ACOXL: variants seen among roughly 807,000 people sequenced by gnomAD.
ACOXL encodes acyl-CoA oxidase like.
A neutral mutation model predicts 71.9 loss-of-function variants in ACOXL; 70 were observed. The ratio of observed to expected loss-of-function variants is 0.97; its 90% CI spans 0.80 to 1.19. The LOEUF is 1.19. Among genes scored for constraint, ACOXL ranks in the 50% most tolerant of loss-of-function variants. ACOXL has a pLI of 0.00. For synonymous variants in ACOXL, 253 were observed against 281.6 expected, an observed-to-expected ratio of 0.90 and a Z score of 1.02; for missense variants, 703 against 736.3, an observed-to-expected ratio of 0.95 and a Z score of 0.52.
At chr2:110,753,862 C>T (rs548069230) in intron 1 of ACOXL, among the ~76,000 whole-genome samples, 3 of 152,214 alleles carry the variant, frequency 2.0e-5, no homozygotes, top group Non-Finnish European at 2.9e-5. Context: ...AATTGCTCCA[C>T]GTCTTTGTCA....
At chr2:110,752,967 G>C (rs1490373707) in intron 1 of ACOXL, among the ~76,000 whole-genome samples, 1 of 152,096 alleles carries the variant, frequency 6.6e-6, no homozygotes, top group Admixed American at 6.6e-5. Context: ...CATTGATATA[G>C]TTTGGATGTT....
At chr2:110,975,965 C>T (rs2062425106) in intron 12 of ACOXL, among the ~76,000 whole-genome samples, 1 of 151,800 alleles carries the variant, frequency 6.6e-6, no homozygotes. Flanking sequence ...ACAACATTTC[C>T]AAGAAAGGGA....
intron 10 of ACOXL, among the ~76,000 whole-genome samples, chr2:110,844,914 G>A (rs1481814099): frequency 6.6e-6 from 1 of 152,092 alleles, no homozygotes; most frequent in Non-Finnish European, 1.5e-5. Flanking sequence ...CCAGCAGGAG[G>A]AAGATGAGGG....
rs544432503 is a variant in ACOXL, at chr2:110,980,628, G to C, written c.1060-6480G>C. Among the ~76,000 whole-genome samples the C allele has an allele frequency of 2.6e-5, 4 of 152,286 alleles. No homozygotes were observed. In the East Asian group the frequency reaches 7.7e-4, roughly 29 times the overall value. Reference sequence around the variant, plus strand: ...GCAGAGGTGGCTCATCTGGCAGCCTGCTGAGTCTCCACGCTGGGCTCCAGG... The same window carrying C: ...GCAGAGGTGGCTCATCTGGCAGCCTCCTGAGTCTCCACGCTGGGCTCCAGG... On this transcript the variant is annotated intron_variant, in intron 12 of 17. Coordinates refer to ENST00000439055, the MANE Select transcript of ACOXL (RefSeq NM_001142807.4).
intron 12 of ACOXL, among the ~76,000 whole-genome samples, chr2:110,943,764 C>T (rs72834519): frequency 0.13 from 19,770 of 152,064 alleles, 1,522 homozygotes; most frequent in East Asian, 0.26. Flanking sequence ...AGCTTATTGC[C>T]GTAGCAGACA....
intron 14 of ACOXL, among the ~76,000 whole-genome samples, chr2:111,029,721 C>CCAGCCTCA (rs1184849291): frequency 6.6e-6 from 1 of 152,176 alleles, no homozygotes; most frequent in East Asian, 1.9e-4. Context: ...GAGCCTCTTG[C>CCAGCCTCA]CAGCAGGGGT....
chr2:110,923,679 A>G (rs1183723420), intron 11 of ACOXL, among the ~76,000 whole-genome samples: 1 of 152,176 alleles, frequency 6.6e-6, no homozygotes, highest in African/African-American at 2.4e-5. Flanking sequence ...CATGCCTGTA[A>G]TCTCAGCACT....
chr2:111,037,834 G>A (rs777450975), intron 15 of ACOXL, among the ~76,000 whole-genome samples: 2 of 152,168 alleles, frequency 1.3e-5, no homozygotes, highest in Non-Finnish European at 2.9e-5. Flanking sequence ...TCTTTAAGAG[G>A]TTTCTTTCCC....
At chr2:110,933,348 A>T in intron 11 of ACOXL, 141 bp from the exon 12 acceptor site, 1 of 1,032,520 alleles carries the variant, frequency 9.7e-7, no homozygotes, top group Non-Finnish European at 1.4e-6. Flanking sequence ...TTTTTTAGTG[A>T]CTATCTACAG....
chr2:111,011,027 C>T (rs2064125782), intron 14 of ACOXL, among the ~76,000 whole-genome samples: 1 of 152,118 alleles, frequency 6.6e-6, no homozygotes, highest in Non-Finnish European at 1.5e-5. Context: ...ATATAAGGAA[C>T]TATTAAGGAC....
At chr2:111,052,088 A>G (rs1194342040) in intron 16 of ACOXL, among the ~76,000 whole-genome samples, 3 of 152,226 alleles carry the variant, frequency 2.0e-5, no homozygotes, top group Non-Finnish European at 4.4e-5. Context: ...TTCCCCTGCA[A>G]AGACAAAAAC....
chr2:110,752,549 G>C (rs541446555), intron 1 of ACOXL, among the ~76,000 whole-genome samples: 1 of 151,260 alleles, frequency 6.6e-6, no homozygotes, highest in Admixed American at 6.6e-5. Flanking sequence ...GATTGAGGGG[G>C]ATCTTGTATG....
At chr2:110,914,089 A>G (rs917368064) in intron 11 of ACOXL, among the ~76,000 whole-genome samples, 1 of 152,152 alleles carries the variant, frequency 6.6e-6, no homozygotes, top group African/African-American at 2.4e-5. Flanking sequence ...TGGTTGCACA[A>G]CTCCTTAAAT....
intron 16 of ACOXL, among the ~76,000 whole-genome samples, chr2:111,068,327 T>C (rs909484572): frequency 3.9e-5 from 6 of 152,054 alleles, no homozygotes; most frequent in Non-Finnish European, 8.8e-5. Flanking sequence ...GGGGGTATGG[T>C]GGGGCTGAGG....
intron 17 of ACOXL, chr2:111,093,351 T>TC: frequency 9.3e-7 from 1 of 1,070,010 alleles, no homozygotes; most frequent in South Asian, 1.7e-5. Flanking sequence ...CATGGGGAAT[T>TC]CAATACAATA....
chr2:110,939,438 T>G (rs1278743986), intron 12 of ACOXL, among the ~76,000 whole-genome samples: 1 of 152,200 alleles, frequency 6.6e-6, no homozygotes, highest in African/African-American at 2.4e-5. Context: ...CTAATTTACC[T>G]AAGACTTGAT....
intron 9 of ACOXL, among the ~76,000 whole-genome samples, chr2:110,830,291 A>G (rs1402606200): frequency 1.3e-5 from 2 of 152,316 alleles, no homozygotes; most frequent in South Asian, 4.1e-4. Flanking sequence ...ATGTAATTAT[A>G]TAAATAATTA....
intron 2 of ACOXL, among the ~76,000 whole-genome samples, chr2:110,768,870 G>A (rs551742400): frequency 2.1e-4 from 32 of 151,830 alleles, no homozygotes; most frequent in African/African-American, 7.7e-4. Flanking sequence ...GACTTGCTAA[G>A]CCTGTTGATC....
In ACOXL at chr2:110,789,827, A is replaced by T. The variant is rs539277355; in HGVS notation, c.160-3823A>T. Among the ~76,000 whole-genome samples, 4 of 152,230 alleles carry T rather than the reference A, an allele frequency of 2.6e-5. No individual in the cohort carries two copies. In the South Asian group the frequency reaches 8.3e-4, roughly 31 times the overall value. On this transcript the variant is annotated intron_variant, in intron 3 of 17. Coordinates refer to ENST00000439055, the MANE Select transcript of ACOXL (RefSeq NM_001142807.4). ...CTCTTGGAATTAGGAAATCCTGAATACACTTGAAGTCTCTTTAGGAGGCCC... is the reference window on the plus strand; with the variant it reads ...CTCTTGGAATTAGGAAATCCTGAATTCACTTGAAGTCTCTTTAGGAGGCCC...
Sources: allele counts gnomAD v4.1 joint callset (sites outside exome capture counted in the v4.1 genomes callset), GRCh38; gene constraint gnomAD v4.1.1; transcripts MANE v1.5; gene names NCBI Gene and HGNC (gene_info 2026-07-23, HGNC 2026-07-21).